SLC1A6: variants seen among roughly 807,000 people sequenced by gnomAD.
SLC1A6 encodes the protein solute carrier family 1 member 6, also known as excitatory amino acid transporter 4.
A neutral mutation model predicts 42.1 loss-of-function variants in SLC1A6; 15 were observed. That is an observed-to-expected ratio of 0.36 (90% confidence interval 0.24 to 0.55). The LOEUF is 0.55. Among genes scored for constraint, SLC1A6 ranks in the 20% least tolerant of loss-of-function variants. SLC1A6 has a pLI of 0.88. For missense variants in SLC1A6, 542 were observed against 772.5 expected, an observed-to-expected ratio of 0.70 and a Z score of 3.54; for synonymous variants, 317 against 319.7, an observed-to-expected ratio of 0.99 and a Z score of 0.09.
At chr19:15,004,504 C>A (rs998590616) in intron 1 of SLC1A6, among the ~76,000 whole-genome samples, 2 of 141,118 alleles carry the variant, frequency 1.4e-5, no homozygotes. Context: ...GAGTTCAAGA[C>A]CCAGACTGGG....
intron 8 of SLC1A6, among the ~76,000 whole-genome samples, chr19:14,953,663 C>A (rs972106648): frequency 6.6e-5 from 10 of 151,992 alleles, no homozygotes; most frequent in African/African-American, 2.4e-4. Flanking sequence ...TTAGCAAGAC[C>A]CGATATGCCA....
intron 1 of SLC1A6, among the ~76,000 whole-genome samples, chr19:14,978,541 A>C (rs2045736132): frequency 6.6e-6 from 1 of 152,012 alleles, no homozygotes; most frequent in African/African-American, 2.4e-5. Flanking sequence ...ACCTTCAGAA[A>C]TGCAGCTCCA....
intron 3 of SLC1A6, among the ~76,000 whole-genome samples, chr19:14,969,428 G>T (rs2045612371): frequency 6.6e-6 from 1 of 152,152 alleles, no homozygotes; most frequent in South Asian, 2.1e-4. Flanking sequence ...GATTCACAAT[G>T]GCCAACTCCT....
intron 9 of SLC1A6, among the ~76,000 whole-genome samples, chr19:14,951,253 CAAAAAAAAAAAA>C (rs1164185118): frequency 6.9e-5 from 6 of 86,862 alleles, no homozygotes; most frequent in Non-Finnish European, 1.3e-4. Flanking sequence ...CTCTGTCTCA[CAAAAAAAAAAAA>C]AAAAAAAAAA....
At position 14,951,508 on chromosome 19, in the gene SLC1A6, G is replaced by GGTTTTTGTTTTT. The variant is rs76779818; in HGVS notation, c.1500-1130_1500-1119dup. On this transcript the variant is annotated intron_variant, in intron 9 of 9. Coordinates refer to ENST00000594383, the MANE Select transcript of SLC1A6 (RefSeq NM_005071.3). ...ACCTCCTGGTTTTGTTGTTGTTGCT[G>GGTTTTTGTTTTT]GTTTTTGTTTTTGTTTTTGTTTTTT... Among the ~76,000 whole-genome samples, 804 of 150,006 alleles carry GGTTTTTGTTTTT rather than the reference G, an allele frequency of 5.4e-3. 8 individuals are homozygous for GGTTTTTGTTTTT. The highest frequency in any genetic ancestry group is 0.018 in the African/African-American group (735 of 40,766).
At chr19:14,999,231 T>C (rs2045861904) in intron 1 of SLC1A6, among the ~76,000 whole-genome samples, 1 of 152,178 alleles carries the variant, frequency 6.6e-6, no homozygotes, top group South Asian at 2.1e-4. Context: ...TGGCTTCATC[T>C]GCAAAATAAG....
At position 14,962,278 on chromosome 19, in the gene SLC1A6, G is replaced by A. The variant is rs141656938; in HGVS notation, c.659C>T (p.Pro220Leu). ...TMVRTENGSEPGASMPPPFSV... is the reference protein window; with the variant it reads ...TMVRTENGSELGASMPPPFSV... Reference sequence around the variant, plus strand: ...GAATGGAGGAGGCATGGAGGCACCCGGCTCAGACCCGTTCTCTGTCCTCAC... The same window carrying A: ...GAATGGAGGAGGCATGGAGGCACCCAGCTCAGACCCGTTCTCTGTCCTCAC... The change falls in exon 6 of 10, where the codon CCG (proline) becomes CTG (leucine). Residue 220 changes from proline (P) to leucine (L), a missense_variant. Pro to Leu is a moderately conservative substitution (Grantham distance 98). Around this residue, in one of 6 missense-constraint regions of SLC1A6, gnomAD observed 298 missense variants for 419.4 expected, o/e 0.71. Transcript: ENST00000594383. The A allele has an allele frequency of 1.3e-4, 205 of 1,614,092 alleles. No individual in the cohort carries two copies. The African/African-American group carries it at 1.8e-3, about 14-fold the overall frequency.
In SLC1A6 at chr19:14,962,800, G is replaced by A. The variant is rs191962868; in HGVS notation, c.592-455C>T. Among the ~76,000 whole-genome samples the A allele has an allele frequency of 6.2e-4, 95 of 152,250 alleles. No individual in the cohort carries two copies. In the East Asian group the frequency reaches 0.018, roughly 29 times the overall value. ...TGCCTGTAGTCCCAGCCACTTGGGAGGCTGAGGCAGGAGAATCGCTTGAAC... is the reference window on the plus strand; with the variant it reads ...TGCCTGTAGTCCCAGCCACTTGGGAAGCTGAGGCAGGAGAATCGCTTGAAC... On this transcript the variant is annotated intron_variant, in intron 5 of 9. Coordinates refer to ENST00000594383, the MANE Select transcript of SLC1A6 (RefSeq NM_005071.3).
chr19:14,957,744 A>G (rs533951622), intron 6 of SLC1A6, among the ~76,000 whole-genome samples: 5 of 152,370 alleles, frequency 3.3e-5, no homozygotes, highest in African/African-American at 7.2e-5. Flanking sequence ...TCAAGTGGTG[A>G]TAACAGCAAA....
At chr19:14,977,253 G>A (rs2045722009) in intron 1 of SLC1A6, 1 of 152,044 alleles carries the variant, frequency 6.6e-6, no homozygotes, top group African/African-American at 2.4e-5. Flanking sequence ...ATACGGTATT[G>A]ACAAACTATG....
chr19:14,953,156 T>C (rs1309966839), intron 8 of SLC1A6, 94 bp from the exon 9 acceptor site: 1 of 913,856 alleles, frequency 1.1e-6, no homozygotes, highest in East Asian at 2.6e-5. Context: ...AGAGATCAGC[T>C]CCCCAAGGCA....
intron 1 of SLC1A6, among the ~76,000 whole-genome samples, chr19:15,008,567 A>G (rs1315211704): frequency 7.9e-5 from 12 of 152,140 alleles, no homozygotes; most frequent in Admixed American, 5.9e-4. Context: ...GTATATACCT[A>G]AAGGAAGAGA....
At chr19:14,972,439 T>C (rs1600010942) in intron 2 of SLC1A6, among the ~76,000 whole-genome samples, 1 of 143,204 alleles carries the variant, frequency 7.0e-6, no homozygotes. Flanking sequence ...AGTAAAGTGT[T>C]TGTACATTGT....
chr19:14,976,548 T>C (rs1010732960), intron 1 of SLC1A6, among the ~76,000 whole-genome samples: 1 of 152,130 alleles, frequency 6.6e-6, no homozygotes, highest in African/African-American at 2.4e-5. Flanking sequence ...TACTTATTTT[T>C]AGTATTTTTG....
At chr19:14,968,173 C>T (rs2045594991) in intron 4 of SLC1A6, 130 bp downstream of exon 4, 1 of 726,086 alleles carries the variant, frequency 1.4e-6, no homozygotes, top group South Asian at 1.8e-5. Context: ...TTAGAAGTGC[C>T]CGTCTCTGCT....
intron 1 of SLC1A6, 70 bp from the exon 2 acceptor site, chr19:14,972,987 G>A: frequency 8.2e-7 from 1 of 1,214,582 alleles, no homozygotes; most frequent in East Asian, 2.6e-5. Context: ...AGATGGCGAA[G>A]GCTGCGAAGG....
chr19:15,008,712 G>C (rs553998846), intron 1 of SLC1A6, among the ~76,000 whole-genome samples: 1 of 152,040 alleles, frequency 6.6e-6, no homozygotes, highest in Non-Finnish European at 1.5e-5. Context: ...AGCTGGGTGC[G>C]GTGATTTCCC....
In SLC1A6 at chr19:15,008,021, G is replaced by GCC. The variant is rs35846384; in HGVS notation, c.6+2462_6+2463dup. Among the ~76,000 whole-genome samples the GCC allele has an allele frequency of 6.8e-3, 825 of 120,792 alleles. 8 individuals are homozygous for GCC. The highest frequency in any genetic ancestry group is 0.024 in the African/African-American group (726 of 30,852). 79.2% of individuals were successfully genotyped at this position (120,792 alleles called of 152,430 possible). A position where few individuals can be genotyped will look rare whatever the true frequency, so the allele number is the denominator to read the frequency against. On this transcript the variant is annotated intron_variant, in intron 1 of 8. Transcript: ENST00000430939. ...GCTTGGGAAACAAGATCAAAAGTCTGCCCCCCCCCCAAAAAAAAACCAACC... is the reference window on the plus strand; with the variant it reads ...GCTTGGGAAACAAGATCAAAAGTCTGCCCCCCCCCCCCAAAAAAAAACCAACC...
rs2145222011 is a variant in SLC1A6, at chr19:14,979,587, C to T, written c.-286G>A. ...TGCGCCCGGATGCAGGAGCCGGAGC[C>T]CGGCGAAGCGCCCGGCCGGGGCCGC... is the stretch of plus-strand genomic sequence containing the variant. On this transcript the variant is annotated 5_prime_UTR_variant, in exon 1 of 10. Coordinates refer to ENST00000594383, the MANE Select transcript of SLC1A6 (RefSeq NM_005071.3). This position sits in a 1 kb window ranked among gnomAD's most constrained non-coding sequence, Gnocchi z 4.2. The T allele has an allele frequency of 6.6e-6, 1 of 150,904 alleles. No individual in the cohort carries two copies. The highest frequency in any genetic ancestry group is 2.0e-4 in the East Asian group (1 of 5,122). The allele number at this position is 150,904 out of a possible 1,614,324, so 9.3% of individuals were successfully genotyped here.
Sources: gnomAD v4.1 joint callset for allele counts (sites outside exome capture counted in the v4.1 genomes callset) on GRCh38, gnomAD v4.1.1 for gene constraint, gnomAD v4.1.1 regional missense constraint, Gnocchi (gnomAD v3.1) non-coding constraint, MANE v1.5 for transcripts, NCBI Gene and HGNC (gene_info 2026-07-23, HGNC 2026-07-21) for gene names.